The following CA5A variants were observed in gnomAD, a reference collection of about 807,000 sequenced individuals.
The protein encoded by CA5A is carbonic anhydrase 5A, mitochondrial.
In CA5A, 28 loss-of-function variants were observed where a neutral mutation model predicts 37.1. That is an observed-to-expected ratio of 0.75 (90% CI 0.56 to 1.03). The LOEUF (loss-of-function observed/expected upper bound fraction) is 1.03. Ranked by LOEUF, CA5A falls within the 50% of genes least tolerant of loss-of-function variation. The pLI is 0.00. For synonymous variants in CA5A, 171 were observed against 158.4 expected (o/e 1.08, Z -0.60); for missense variants, 444 against 399.9 (o/e 1.11, Z -0.94).
At chr16:87,921,869 AT>A (rs1319680191) in intron 2 of CA5A, among the ~76,000 whole-genome samples, 2 of 75,558 alleles carry the variant, frequency 2.6e-5, no homozygotes, top group African/African-American at 1.1e-4. Flanking sequence ...TGTTATTATT[AT>A]TATTATTATT....
chr16:87,924,383 G>T, intron 2 of CA5A: 2 of 893,816 alleles, frequency 2.2e-6, no homozygotes, highest in Non-Finnish European at 2.7e-6. Flanking sequence ...CGTGGTGTTT[G>T]CGATGCACTG....
intron 1 of CA5A, among the ~76,000 whole-genome samples, chr16:87,931,060 G>C (rs2056395704): frequency 6.6e-6 from 1 of 151,058 alleles, no homozygotes; most frequent in Non-Finnish European, 1.5e-5. Context: ...AGAGAAGATA[G>C]AAATACAGAT....
intron 5 of CA5A, among the ~76,000 whole-genome samples, chr16:87,895,491 G>C (rs1350298712): frequency 6.6e-6 from 1 of 152,226 alleles, no homozygotes; most frequent in African/African-American, 2.4e-5. Flanking sequence ...GTTGCAGTGA[G>C]CTGAGCTCAT....
In CA5A at chr16:87,888,919, AT is replaced by A. The variant is rs56196809; in HGVS notation, c.775-648del. 8.7e-3 allele frequency among the ~76,000 whole-genome samples: 1,190 copies of A among 136,020 alleles called. 9 individuals carry two copies. Among genetic ancestry groups the A allele is most frequent in the African/African-American group, 0.022 (806 of 36,452 alleles). The allele number at this position is 136,020 out of a possible 152,430, so 89.2% of individuals were successfully genotyped here. On this transcript the variant is annotated intron_variant, in intron 6 of 6. Coordinates refer to ENST00000649794, the MANE Select transcript of CA5A (RefSeq NM_001739.2). ...AGGCACAAGCCACCACGCCCGGCTA[AT>A]TTTTTTTTTTTTTTTTGAGATGGAG... is the stretch of plus-strand genomic sequence containing the variant.
intron 2 of CA5A, chr16:87,925,438 A>C (rs897346193): frequency 6.6e-6 from 1 of 152,248 alleles, no homozygotes; most frequent in Non-Finnish European, 1.5e-5. Flanking sequence ...GTTCTGTACC[A>C]GAGGAGCTCA....
At chr16:87,885,202 C>CA (rs1304487132), downstream of CA5A, 12 of 170,582 alleles carry the variant, frequency 7.0e-5, no homozygotes, top group Non-Finnish European at 1.2e-4. Flanking sequence ...ACAACAACAA[C>CA]AACAAAAAAA....
intron 5 of CA5A, among the ~76,000 whole-genome samples, chr16:87,899,527 A>T (rs193024248): frequency 8.0e-5 from 12 of 149,640 alleles, no homozygotes; most frequent in Admixed American, 4.6e-4. Flanking sequence ...GGTTTTGAAC[A>T]CCTGACCTCA....
At chr16:87,882,816 C>T (rs538449759) in intron 4 of CA5A, 1 of 152,490 alleles carries the variant, frequency 6.6e-6, no homozygotes, top group Non-Finnish European at 1.5e-5. Context: ...TGGTGCTTTC[C>T]CGCTTCCACT....
chr16:87,892,313 C>G (rs1479486271), intron 5 of CA5A: 1 of 161,350 alleles, frequency 6.2e-6, no homozygotes, highest in Non-Finnish European at 1.3e-5. Flanking sequence ...AGTTCGAGAC[C>G]AGCCTGGTCA....
At position 87,908,945 on chromosome 16, in the gene CA5A, T is replaced by A. The variant is rs144504220; in HGVS notation, c.341-4041A>T. Among the ~76,000 whole-genome samples, 587 of 151,380 alleles carry A rather than the reference T, an allele frequency of 3.9e-3. 3 individuals are homozygous for A. The highest frequency in any genetic ancestry group is 6.3e-3 in the Non-Finnish European group (429 of 67,928). On this transcript the variant is annotated intron_variant, in intron 2 of 6. Transcript: ENST00000649794. ...ATTCTCCTGCCTCACTGCCTCAGCC[T>A]CCCAAGTAGCTGGGACTACAGGTGC...
intron 2 of CA5A, among the ~76,000 whole-genome samples, chr16:87,926,388 G>A (rs531871993): frequency 5.9e-5 from 9 of 152,274 alleles, no homozygotes; most frequent in East Asian, 1.9e-4. Flanking sequence ...AGCCACCGCT[G>A]CCTTCTGAGT....
rs145665320 is a variant in CA5A at position 87,898,180 on chromosome 16, T to C, written c.618+3732A>G. Among the ~76,000 whole-genome samples the C allele has an allele frequency of 7.2e-3, 1,091 of 152,214 alleles. 14 individuals carry two copies. Among genetic ancestry groups the C allele is most frequent in the African/African-American group, 0.024 (1,000 of 41,528 alleles). ...CGGACCAGCCTGGAACCAGGAGAGA[T>C]GATGGGGACTACGTGACTCTGGTCT... On this transcript the variant is annotated intron_variant, in intron 5 of 6. Coordinates refer to ENST00000649794, the MANE Select transcript of CA5A (RefSeq NM_001739.2).
exon 5 of CA5A, chr16:87,881,643 A>G (rs1356550369): frequency 1.3e-5 from 2 of 152,170 alleles, no homozygotes; most frequent in South Asian, 2.1e-4. Flanking sequence ...AAATTCTACA[A>G]TACAATCAGA....
At chr16:87,882,777 C>G (rs1271960276) in intron 4 of CA5A, 1 of 152,388 alleles carries the variant, frequency 6.6e-6, no homozygotes, top group Admixed American at 6.5e-5. Flanking sequence ...CAGCTTAGAG[C>G]AGAACAGAAA....
intron 1 of CA5A, among the ~76,000 whole-genome samples, chr16:87,928,190 G>C (rs1462449183): frequency 3.9e-5 from 6 of 152,080 alleles, no homozygotes; most frequent in Non-Finnish European, 8.8e-5. Context: ...GCGTTTTTGA[G>C]ATCAGGTCTC....
At chr16:87,897,521 TG>T (rs914814690) in intron 5 of CA5A, among the ~76,000 whole-genome samples, 1 of 60,336 alleles carries the variant, frequency 1.7e-5, no homozygotes, top group Non-Finnish European at 3.3e-5. Context: ...GTGCTGGGGG[TG>T]GGGGTGGGGG....
chr16:87,917,756 T>C (rs1567530529), intron 2 of CA5A, among the ~76,000 whole-genome samples: 68 of 101,208 alleles, frequency 6.7e-4, no homozygotes, highest in African/African-American at 4.4e-3. Context: ...CACACATGTA[T>C]ACACAGTGCA....
At chr16:87,898,618 T>A (rs763519361) in intron 5 of CA5A, among the ~76,000 whole-genome samples, 3 of 152,188 alleles carry the variant, frequency 2.0e-5, no homozygotes, top group Admixed American at 6.5e-5. Context: ...ACAGCAGACT[T>A]GAGTGTGTGA....
intron 5 of CA5A, among the ~76,000 whole-genome samples, chr16:87,895,709 C>T (rs186302261): frequency 3.6e-4 from 55 of 152,246 alleles, no homozygotes; most frequent in Non-Finnish European, 6.8e-4. Flanking sequence ...TCCCCACCCC[C>T]GCCCTGCTGC....
Sources: allele counts gnomAD v4.1 joint callset (sites outside exome capture counted in the v4.1 genomes callset), GRCh38; gene constraint gnomAD v4.1.1; transcripts MANE v1.5; gene names NCBI Gene and HGNC (gene_info 2026-07-23, HGNC 2026-07-21).